Variants in RCOR1 observed in about 807,000 individuals in gnomAD.
RCOR1 encodes the protein REST corepressor.
RCOR1 carries 12 observed loss-of-function variants against 64.0 expected under a neutral mutation model. The observed-to-expected ratio is 0.19, with a 90% CI of 0.12 to 0.30. The LOEUF is 0.30. Ranked by LOEUF, RCOR1 falls within the 10% of genes least tolerant of loss-of-function variation. RCOR1 has a pLI of 1.00. For missense variants in RCOR1, 502 were observed against 621.2 expected, an observed-to-expected ratio of 0.81 and a Z score of 2.04; for synonymous variants, 279 against 227.2, an observed-to-expected ratio of 1.23 and a Z score of -2.05.
chr14:102,681,090 C>T (rs1895292636), intron 2 of RCOR1, among the ~76,000 whole-genome samples: 1 of 152,124 alleles, frequency 6.6e-6, no homozygotes, highest in South Asian at 2.1e-4. Flanking sequence ...AATTCGTCAA[C>T]CAGACTGTGG....
chr14:102,607,697 C>T (rs1893541491), intron 2 of RCOR1, among the ~76,000 whole-genome samples: 1 of 152,170 alleles, frequency 6.6e-6, no homozygotes, highest in African/African-American at 2.4e-5. Context: ...GCCTGGCCAA[C>T]ATGGTAAAAC....
At chr14:102,662,805 A>G (rs1233011654) in intron 2 of RCOR1, 1 of 181,026 alleles carries the variant, frequency 5.5e-6, no homozygotes, top group African/African-American at 2.4e-5. Flanking sequence ...GTTCTTTCCA[A>G]TTTATTGCTG....
intron 2 of RCOR1, among the ~76,000 whole-genome samples, chr14:102,651,378 C>T (rs1194874595): frequency 6.6e-6 from 1 of 151,936 alleles, no homozygotes; most frequent in African/African-American, 2.4e-5. Context: ...CACAGTGAAA[C>T]CCCGTCTCTA....
chr14:102,705,271 T>C (rs2139981681), intron 4 of RCOR1, among the ~76,000 whole-genome samples: 1 of 152,286 alleles, frequency 6.6e-6, no homozygotes, highest in South Asian at 2.1e-4. Context: ...AAATGCCTCA[T>C]GATCATGTCC....
At chr14:102,676,685 A>C (rs1595225074) in intron 2 of RCOR1, among the ~76,000 whole-genome samples, 3 of 77,932 alleles carry the variant, frequency 3.8e-5, no homozygotes, top group Non-Finnish European at 4.9e-5. Context: ...CGGGGGGCTG[A>C]CCCCCCACCT....
intron 2 of RCOR1, among the ~76,000 whole-genome samples, chr14:102,638,721 G>A (rs1019671227): frequency 2.5e-4 from 38 of 152,020 alleles, no homozygotes; most frequent in African/African-American, 9.2e-4. Context: ...AGGCTGGAGT[G>A]CAGTGGCACA....
At position 102,655,738 on chromosome 14, in the gene RCOR1, A is replaced by G. The variant is rs142549068; in HGVS notation, c.362-26157A>G. On this transcript the variant is annotated intron_variant, in intron 2 of 11. Coordinates refer to ENST00000262241, the MANE Select transcript of RCOR1 (RefSeq NM_015156.4). Reference sequence around the variant, plus strand: ...GAGGCTGAGGCGAGCGAATTGCCTGAGGTCAGGAGTTAAAGACCAGCCTGG... The same window carrying G: ...GAGGCTGAGGCGAGCGAATTGCCTGGGGTCAGGAGTTAAAGACCAGCCTGG... Among the ~76,000 whole-genome samples the G allele has an allele frequency of 4.9e-3, 739 of 152,200 alleles. 4 individuals carry two copies. The highest frequency in any genetic ancestry group is 0.017 in the African/African-American group (714 of 41,520).
At chr14:102,704,353 G>C (rs1456732692) in intron 4 of RCOR1, among the ~76,000 whole-genome samples, 1 of 152,218 alleles carries the variant, frequency 6.6e-6, no homozygotes, top group Non-Finnish European at 1.5e-5. Flanking sequence ...GAGCAATCCT[G>C]TATTAAGTTC....
intron 2 of RCOR1, chr14:102,656,162 C>CA: frequency 1.0e-6 from 1 of 955,028 alleles, no homozygotes; most frequent in Non-Finnish European, 1.2e-6. Flanking sequence ...TTTTTGGAGA[C>CA]AGAGTCTCGC....
chr14:102,670,921 C>T (rs1041644340), intron 2 of RCOR1, among the ~76,000 whole-genome samples: 35 of 151,862 alleles, frequency 2.3e-4, no homozygotes, highest in African/African-American at 8.5e-4. Context: ...TTACAGGCAC[C>T]TGCCACCATG....
chr14:102,656,399 G>A (rs8013188), intron 2 of RCOR1, among the ~76,000 whole-genome samples: 105,049 of 151,754 alleles, frequency 0.69, 37,017 homozygotes, highest in East Asian at 0.93. Context: ...CAGCCTCCCT[G>A]AGTATTGGGA....
chr14:102,678,246 G>A (rs112911725), intron 2 of RCOR1, among the ~76,000 whole-genome samples: 7,818 of 137,142 alleles, frequency 0.057, 659 homozygotes, highest in African/African-American at 0.2. Flanking sequence ...AGGGAGAGCT[G>A]TTTCACAGTT....
rs183332211 is a variant in RCOR1 at position 102,637,137 on chromosome 14, T to A, written c.361+43812T>A. Among the ~76,000 whole-genome samples, 869 of 151,078 alleles carry A rather than the reference T, an allele frequency of 5.8e-3. 25 individuals are homozygous for A. Among genetic ancestry groups the A allele is most frequent in the Admixed American group, 0.04 (606 of 15,194 alleles). ...TTTGTTTGTTTGTTTTTTTATTTTT[T>A]TTTTTTTGAGACGGAGTCTTACTCT... is the stretch of plus-strand genomic sequence containing the variant. On this transcript the variant is annotated intron_variant, in intron 2 of 11. Transcript: ENST00000262241.
chr14:102,708,457 A>G lies in RCOR1; in HGVS notation c.661-8A>G, dbSNP rs769002938. The G allele has an allele frequency of 3.6e-6, 5 of 1,386,482 alleles. No individual in the cohort carries two copies. The South Asian group carries it at 4.7e-5, about 13-fold the overall frequency. 85.9% of individuals were successfully genotyped at this position (1,386,482 alleles called of 1,614,324 possible). On this transcript the variant is annotated splice_region_variant and splice_polypyrimidine_tract_variant and intron_variant, in intron 5 of 11. Coordinates refer to ENST00000262241, the MANE Select transcript of RCOR1 (RefSeq NM_015156.4). ...ATTTAAATAAACCAACTCATTTTTTATGTTTAGCTTCCAGATAAATCTATA... is the reference window on the plus strand; with the variant it reads ...ATTTAAATAAACCAACTCATTTTTTGTGTTTAGCTTCCAGATAAATCTATA...
intron 8 of RCOR1, among the ~76,000 whole-genome samples, chr14:102,715,600 C>G (rs911592926): frequency 1.3e-5 from 2 of 151,730 alleles, no homozygotes; most frequent in African/African-American, 4.8e-5. Context: ...CCAGGCTGGT[C>G]TTGAACTCCT....
intron 2 of RCOR1, among the ~76,000 whole-genome samples, chr14:102,678,692 T>C (rs1010118125): frequency 1.3e-5 from 2 of 152,214 alleles, no homozygotes; most frequent in South Asian, 4.1e-4. Context: ...ATTATGTCTT[T>C]GTAAAAAACT....
chr14:102,713,713 G>T (rs1031016895), intron 7 of RCOR1, among the ~76,000 whole-genome samples: 1 of 152,154 alleles, frequency 6.6e-6, no homozygotes, highest in Non-Finnish European at 1.5e-5. Context: ...TTACCCACTT[G>T]TTGAAGAAAT....
intron 2 of RCOR1, among the ~76,000 whole-genome samples, chr14:102,656,661 G>C (rs1894730346): frequency 6.6e-6 from 1 of 151,926 alleles, no homozygotes; most frequent in Non-Finnish European, 1.5e-5. Context: ...TAGAGATGGG[G>C]TTTTACCATG....
In RCOR1 at chr14:102,689,705, A is replaced by AT. The variant is rs1022167657; in HGVS notation, c.445+7727_445+7728insT. 2.0e-4 allele frequency among the ~76,000 whole-genome samples: 31 copies of AT among 152,322 alleles called. 2 individuals are homozygous for AT. Among genetic ancestry groups the AT allele is most frequent in the East Asian group, 1.2e-3 (6 of 5,188 alleles). On this transcript the variant is annotated intron_variant, in intron 3 of 11. Transcript: ENST00000262241. ...GTAAGAATCATGGATCTCTGTGTTAAAATAGACAAAAATGGAAATCGTTAG... is the reference window on the plus strand; with the variant it reads ...GTAAGAATCATGGATCTCTGTGTTAATAATAGACAAAAATGGAAATCGTTAG...
Sources: allele counts gnomAD v4.1 joint callset (sites outside exome capture counted in the v4.1 genomes callset), GRCh38; gene constraint gnomAD v4.1.1; transcripts MANE v1.5; gene names NCBI Gene and HGNC (gene_info 2026-07-23, HGNC 2026-07-21).